The following ANKRD49 variants were observed in gnomAD, a reference collection of about 807,000 sequenced individuals.
The protein encoded by ANKRD49 is ankyrin repeat domain-containing protein 49.
ANKRD49 carries 18 observed loss-of-function variants against 19.6 expected under a neutral mutation model. That is an observed-to-expected ratio of 0.92 (90% CI 0.63 to 1.36). The LOEUF is 1.36. ANKRD49 is among the 40% of genes most tolerant of loss of function. The pLI, the probability that ANKRD49 is intolerant of heterozygous loss-of-function variation, is 0.00. For missense variants in ANKRD49, 218 were observed against 281.6 expected, an observed-to-expected ratio of 0.77 and a Z score of 1.62; for synonymous variants, 88 against 101.8, an observed-to-expected ratio of 0.86 and a Z score of 0.82.
chr11:94,494,820 T>C (rs13447577), intron 1 of ANKRD49, among the ~76,000 whole-genome samples: 2,018 of 152,290 alleles, frequency 0.013, 39 homozygotes, highest in African/African-American at 0.046. Context: ...AGATCTGTGG[T>C]ATAAGGTTAC....
Position 94,496,590 on chromosome 11 carries a change from A to T in ANKRD49, c.-90-14A>T. 1 of 1,072,102 alleles carries T rather than the reference A, an allele frequency of 9.3e-7. No homozygotes were observed. The highest frequency in any genetic ancestry group is 1.3e-6 in the Non-Finnish European group (1 of 751,264). The allele number at this position is 1,072,102 out of a possible 1,614,324, so 66.4% of individuals were successfully genotyped here. A position where few individuals can be genotyped will look rare whatever the true frequency, so the allele number is the denominator to read the frequency against. ...TTATTGTTTTACTAATAACTTTTGT[A>T]TTTGTGTTTTCAGATCTTGATGAAC... On this transcript the variant is annotated splice_polypyrimidine_tract_variant and intron_variant, in intron 1 of 2. Transcript: ENST00000544612.
Position 94,498,054 on chromosome 11 carries a change from C to CT in ANKRD49, c.259-9dup, listed in dbSNP as rs748359870. Reference sequence around the variant, plus strand: ...TGGTTTGAGTTGAGTTGAAAGATTTCTTTTTTTTCTTCTCAGCTTACCACA... The same window carrying CT: ...TGGTTTGAGTTGAGTTGAAAGATTTCTTTTTTTTTCTTCTCAGCTTACCACA... On this transcript the variant is annotated splice_polypyrimidine_tract_variant and intron_variant, in intron 2 of 2. Transcript: ENST00000544612. 28 of 1,530,274 alleles carry CT rather than the reference C, an allele frequency of 1.8e-5. No individual in the cohort carries two copies. Among genetic ancestry groups the CT allele is most frequent in the African/African-American group, 5.6e-5 (4 of 71,626 alleles). 94.8% of individuals were successfully genotyped at this position (1,530,274 alleles called of 1,614,324 possible). A position where few individuals can be genotyped will look rare whatever the true frequency, so the allele number is the denominator to read the frequency against.
chr11:94,498,634 T>C lies in ANKRD49; in HGVS notation c.*102T>C, dbSNP rs915895929. 4 of 983,174 alleles carry C rather than the reference T, an allele frequency of 4.1e-6. No homozygotes were observed. In the African/African-American group the frequency reaches 6.6e-5, roughly 16 times the overall value. 60.9% of individuals were successfully genotyped at this position (983,174 alleles called of 1,614,324 possible). ...ACGTCAAACATCTTACTACAAAAAT[T>C]CAGTGACATTCATTATAACATTCTT... On this transcript the variant is annotated 3_prime_UTR_variant, in exon 3 of 3. Coordinates refer to ENST00000544612, the MANE Select transcript of ANKRD49 (RefSeq NM_017704.3).
In ANKRD49 at chr11:94,494,034, A is replaced by C. The variant is rs1266644924; in HGVS notation, c.-92A>C. The C allele has an allele frequency of 6.6e-6, 1 of 152,394 alleles. No homozygotes were observed. Among genetic ancestry groups the C allele is most frequent in the Non-Finnish European group, 1.5e-5 (1 of 68,214 alleles). 9.4% of individuals were successfully genotyped at this position (152,394 alleles called of 1,614,324 possible). A position where few individuals can be genotyped will look rare whatever the true frequency, so the allele number is the denominator to read the frequency against. ...CAAGGCGGCGATTTTCCCTTCTGTC[A>C]GGTGGGTTGTTATTCCCTGTCCCGG... On this transcript the variant is annotated splice_region_variant and 5_prime_UTR_variant, in exon 1 of 3. Coordinates refer to ENST00000544612, the MANE Select transcript of ANKRD49 (RefSeq NM_017704.3).
In ANKRD49 at chr11:94,496,942, A is replaced by C. The variant is rs761869981; in HGVS notation, c.249A>C (p.Glu83Asp). Residue 83 changes from glutamate to aspartate, a missense_variant, in exon 2 of 3, where the codon GAA (glutamate) becomes GAC (aspartate). By Grantham distance (45) the Glu-to-Asp change is conservative (BLOSUM62 2). Coordinates refer to ENST00000544612, the MANE Select transcript of ANKRD49 (RefSeq NM_017704.3). The stretch of plus-strand genomic sequence containing the variant: ...GCAGATTGCTTCTTTGGGCTGCTGA[A>C]AAAAATCGGGTAAAAAAAAAAATTA... ...DPSRLLLWAA[E>D]KNRLTTVRRL... is the part of the protein sequence containing the mutation. 8 of 1,613,560 alleles carry C rather than the reference A, an allele frequency of 5.0e-6. No homozygotes were observed. Among genetic ancestry groups the C allele is most frequent in the Non-Finnish European group, 6.8e-6 (8 of 1,179,988 alleles).
intron 1 of ANKRD49, among the ~76,000 whole-genome samples, chr11:94,495,511 T>G (rs1478366291): frequency 6.6e-6 from 1 of 152,104 alleles, no homozygotes; most frequent in Non-Finnish European, 1.5e-5. Context: ...ATGAAAGAGA[T>G]AACATCAGAG....
Position 94,498,554 on chromosome 11 carries a change from G to C in ANKRD49, c.*22G>C. Reference sequence around the variant, plus strand: ...TTAACAATTCTAGTAATTTTCCTAAGTTTCTAAATACCAGTGCCTCCTGTG... The same window carrying C: ...TTAACAATTCTAGTAATTTTCCTAACTTTCTAAATACCAGTGCCTCCTGTG... On this transcript the variant is annotated 3_prime_UTR_variant, in exon 3 of 3. Coordinates refer to ENST00000544612, the MANE Select transcript of ANKRD49 (RefSeq NM_017704.3). The C allele has an allele frequency of 6.3e-7, 1 of 1,578,298 alleles. No individual in the cohort carries two copies. The highest frequency in any genetic ancestry group is 8.6e-7 in the Non-Finnish European group (1 of 1,158,170).
intron 1 of ANKRD49, among the ~76,000 whole-genome samples, chr11:94,495,688 A>T (rs989903109): frequency 1.3e-5 from 2 of 152,346 alleles, no homozygotes; most frequent in Non-Finnish European, 2.9e-5. Flanking sequence ...ATGGCAGCTT[A>T]GCAGAATAAA....
In ANKRD49 at chr11:94,498,435, TG is replaced by T; in HGVS notation, c.625del (p.Glu209LysfsTer49). The stretch of plus-strand genomic sequence containing the variant: ...GTCAAACCAGGGCTGAAAAACAACT[TG>T]GAAGAAACTGCATTTGATATTGCCA... The part of the protein sequence containing the change: ...RYVKPGLKNN[L>X]EETAFDIARR... On this transcript the variant is annotated frameshift_variant, in exon 3 of 3. Transcript: ENST00000544612. LOFTEE classifies it high-confidence loss of function. The T allele has an allele frequency of 6.2e-7, 1 of 1,613,794 alleles. No individual in the cohort carries two copies. The highest frequency in any genetic ancestry group is 1.1e-5 in the South Asian group (1 of 91,070).
Position 94,494,026 on chromosome 11 carries a change from C to T in ANKRD49, c.-100C>T, listed in dbSNP as rs1253585400. The T allele has an allele frequency of 6.6e-6, 1 of 152,346 alleles. No homozygotes were observed. The highest frequency in any genetic ancestry group is 1.9e-4 in the East Asian group (1 of 5,190). The allele number at this position is 152,346 out of a possible 1,614,324, so 9.4% of individuals were successfully genotyped here. A position where few individuals can be genotyped will look rare whatever the true frequency, so the allele number is the denominator to read the frequency against. ...GTGAGATGCAAGGCGGCGATTTTCC[C>T]TTCTGTCAGGTGGGTTGTTATTCCC... On this transcript the variant is annotated 5_prime_UTR_variant, in exon 1 of 3. Transcript: ENST00000544612.
chr11:94,497,992 C>A (rs1355808230), intron 2 of ANKRD49, 79 bp from the exon 3 acceptor site: 18 of 1,110,908 alleles, frequency 1.6e-5, no homozygotes, highest in African/African-American at 4.7e-5. Context: ...TTAATTAAAT[C>A]TAACACCACA....
chr11:94,494,644 T>G (rs573916838), intron 1 of ANKRD49, among the ~76,000 whole-genome samples: 10 of 152,286 alleles, frequency 6.6e-5, no homozygotes, highest in Admixed American at 5.9e-4. Context: ...AAGTCATCAG[T>G]TTTGTTTCTT....
chr11:94,494,624 TATC>T (rs999856416), intron 1 of ANKRD49, among the ~76,000 whole-genome samples: 20 of 152,302 alleles, frequency 1.3e-4, no homozygotes, highest in African/African-American at 4.3e-4. Flanking sequence ...ATATCAGGAA[TATC>T]ATCATCAAGT....
intron 1 of ANKRD49, among the ~76,000 whole-genome samples, chr11:94,494,520 T>C (rs1169178848): frequency 6.6e-6 from 1 of 152,186 alleles, no homozygotes; most frequent in African/African-American, 2.4e-5. Context: ...CGCCTATCAC[T>C]GAGTTGTTTG....
intron 2 of ANKRD49, chr11:94,497,769 T>C (rs570268657): frequency 5.6e-5 from 16 of 284,220 alleles, no homozygotes; most frequent in Admixed American, 1.4e-4. Flanking sequence ...GCCTATGTTA[T>C]TCATTGGACT....
Position 94,498,527 on chromosome 11 carries a change from T to A in ANKRD49, c.715T>A (p.Ser239Thr). The A allele has an allele frequency of 6.2e-7, 1 of 1,604,056 alleles. No homozygotes were observed. The highest frequency in any genetic ancestry group is 8.5e-7 in the Non-Finnish European group (1 of 1,174,730). Reference sequence around the variant, plus strand: ...AGGCTGTACAAATTCTTCACCTCAGTCTTAACAATTCTAGTAATTTTCCTA... The same window carrying A: ...AGGCTGTACAAATTCTTCACCTCAGACTTAACAATTCTAGTAATTTTCCTA... ...VEGCTNSSPQ[S>T] Residue 239 changes from serine (S) to threonine (T), a missense_variant, in exon 3 of 3, where the codon TCT becomes ACT. Ser to Thr is a moderately conservative substitution (Grantham distance 58). Coordinates refer to ENST00000544612, the MANE Select transcript of ANKRD49 (RefSeq NM_017704.3).
chr11:94,496,293 T>C (rs1174190293), intron 1 of ANKRD49, among the ~76,000 whole-genome samples: 2 of 152,220 alleles, frequency 1.3e-5, no homozygotes, highest in African/African-American at 2.4e-5. Flanking sequence ...GTATTAGTTA[T>C]ACTTCAAAAC....
At chr11:94,497,887 T>A (rs1471817109) in intron 2 of ANKRD49, 184 bp from the exon 3 acceptor site, 1 of 556,778 alleles carries the variant, frequency 1.8e-6, no homozygotes, top group Admixed American at 3.5e-5. Flanking sequence ...ACTAACTTGT[T>A]CATTCTTAAA....
Position 94,498,580 on chromosome 11 carries a change from T to A in ANKRD49, c.*48T>A. ...TTTCTAAATACCAGTGCCTCCTGTG[T>A]GTGAGATGTATTCCCATAATCAAAG... On this transcript the variant is annotated 3_prime_UTR_variant, in exon 3 of 3. Coordinates refer to ENST00000544612, the MANE Select transcript of ANKRD49 (RefSeq NM_017704.3). The A allele has an allele frequency of 6.8e-7, 1 of 1,465,932 alleles. No homozygotes were observed. The highest frequency in any genetic ancestry group is 9.3e-7 in the Non-Finnish European group (1 of 1,071,414). The allele number at this position is 1,465,932 out of a possible 1,614,324, so 90.8% of individuals were successfully genotyped here.
Sources: allele counts gnomAD v4.1 joint callset (sites outside exome capture counted in the v4.1 genomes callset), GRCh38; gene constraint gnomAD v4.1.1; transcripts MANE v1.5; gene names NCBI Gene and HGNC (gene_info 2026-07-23, HGNC 2026-07-21).